Variants in PTPRT observed in about 807,000 individuals in gnomAD.
The protein encoded by PTPRT is protein tyrosine phosphatase receptor type T.
Under a neutral mutation model 176.8 loss-of-function variants are expected in PTPRT, and 56 were observed. The observed-to-expected ratio is 0.32, with a 90% CI of 0.26 to 0.40. PTPRT has a LOEUF of 0.40. Among genes scored for constraint, PTPRT ranks in the 10% least tolerant of loss-of-function variants. The probability of loss-of-function intolerance (pLI) is 1.00; values close to 1 mark genes in which losing one functional copy is unlikely to be tolerated. For synonymous variants in PTPRT, 783 were observed against 739.0 expected (o/e 1.06, Z -0.96); for missense variants, 1,540 against 1,908.2 (o/e 0.81, Z 3.60).
In PTPRT at chr20:43,127,142, G is replaced by A. The variant is rs568640537; in HGVS notation, c.88+62504C>T. On this transcript the variant is annotated intron_variant, in intron 1 of 30. Transcript: ENST00000373187. The stretch of plus-strand genomic sequence containing the variant: ...AAAAAAATGCAACTCTAAACATGGC[G>A]GCCGGGCGCGGTGGCTCACACCTGT... 9.8e-4 allele frequency among the ~76,000 whole-genome samples: 149 copies of A among 152,196 alleles called. 1 individual carries two copies. The highest frequency in any genetic ancestry group is 3.4e-3 in the African/African-American group (143 of 41,526).
Position 42,385,514 on chromosome 20 carries a change from A to C in PTPRT, c.1561-33229T>G, listed in dbSNP as rs117732354. 5.0e-3 allele frequency among the ~76,000 whole-genome samples: 760 copies of C among 152,334 alleles called. 5 individuals are homozygous for C. The highest frequency in any genetic ancestry group is 8.4e-3 in the Non-Finnish European group (569 of 68,036). On this transcript the variant is annotated intron_variant, in intron 9 of 30. Transcript: ENST00000373187. ...AGTTTCAGTTATATGAGGTAAATAC[A>C]TTCTGGAGATCTGATATACAAGGCT...
intron 15 of PTPRT, among the ~76,000 whole-genome samples, chr20:42,235,453 G>T (rs530486815): frequency 2.0e-5 from 3 of 152,040 alleles, no homozygotes; most frequent in South Asian, 4.2e-4. Context: ...TAGAGATGGG[G>T]TTTCACCATG....
intron 9 of PTPRT, among the ~76,000 whole-genome samples, chr20:42,364,494 C>T (rs1435795714): frequency 6.6e-6 from 1 of 152,084 alleles, no homozygotes; most frequent in Non-Finnish European, 1.5e-5. Context: ...TTTGTTATAT[C>T]TCCTTCTTAC....
intron 1 of PTPRT, among the ~76,000 whole-genome samples, chr20:43,158,861 A>G (rs1034329714): frequency 1.3e-5 from 2 of 152,240 alleles, no homozygotes; most frequent in African/African-American, 2.4e-5. Flanking sequence ...CTCTGTGCTC[A>G]GCTCTCTCAC....
At chr20:42,118,771 T>C (rs1268441333) in intron 20 of PTPRT, among the ~76,000 whole-genome samples, 1 of 151,922 alleles carries the variant, frequency 6.6e-6, no homozygotes. Context: ...CTCCCTTCTG[T>C]CCTCCTCCTG....
chr20:42,498,889 T>C (rs964629086), intron 7 of PTPRT, among the ~76,000 whole-genome samples: 1 of 152,136 alleles, frequency 6.6e-6, no homozygotes, highest in African/African-American at 2.4e-5. Flanking sequence ...AACCAACATA[T>C]ACCTTACATA....
chr20:42,839,101 G>A (rs1295125620), intron 2 of PTPRT, among the ~76,000 whole-genome samples: 1 of 152,130 alleles, frequency 6.6e-6, no homozygotes, highest in Non-Finnish European at 1.5e-5. Flanking sequence ...GGAGGGATCT[G>A]TTGGGCAGAA....
rs1027444640 is a variant in PTPRT, at chr20:42,800,305, G to T, written c.215-8839C>A. Among the ~76,000 whole-genome samples, 11 of 152,160 alleles carry T rather than the reference G, an allele frequency of 7.2e-5. No individual in the cohort carries two copies. In the East Asian group the frequency reaches 2.1e-3, roughly 29 times the overall value. On this transcript the variant is annotated intron_variant, in intron 2 of 30. Coordinates refer to ENST00000373187, the MANE Select transcript of PTPRT (RefSeq NM_007050.6). ...ACATGTGGGCACGTTGTGTTTGATG[G>T]CAAGGAGTGATCATCAACTCCCTGG... is the stretch of plus-strand genomic sequence containing the variant.
At chr20:42,801,838 T>C (rs961950637) in intron 2 of PTPRT, among the ~76,000 whole-genome samples, 3 of 152,152 alleles carry the variant, frequency 2.0e-5, no homozygotes, top group African/African-American at 7.2e-5. Flanking sequence ...AACAAGACAG[T>C]TTCTGCCTTG....
chr20:42,155,116 A>C (rs1439042916), intron 17 of PTPRT, among the ~76,000 whole-genome samples: 2 of 152,050 alleles, frequency 1.3e-5, no homozygotes, highest in Admixed American at 6.5e-5. Context: ...TATATATCCC[A>C]CCCCCAGTGA....
At chr20:43,019,880 G>A (rs1411173352) in intron 1 of PTPRT, among the ~76,000 whole-genome samples, 1 of 151,858 alleles carries the variant, frequency 6.6e-6, no homozygotes, top group African/African-American at 2.4e-5. Flanking sequence ...TTGGACTCTA[G>A]GATCACTCCA....
intron 23 of PTPRT, among the ~76,000 whole-genome samples, chr20:42,107,264 C>CAAAG (rs1986549240): frequency 1.3e-5 from 2 of 151,972 alleles, no homozygotes; most frequent in Non-Finnish European, 2.9e-5. Context: ...CGGATGGAAG[C>CAAAG]AAAGAAGGAG....
intron 1 of PTPRT, among the ~76,000 whole-genome samples, chr20:42,932,805 C>T (rs1205526688): frequency 3.3e-5 from 5 of 152,330 alleles, no homozygotes; most frequent in South Asian, 2.1e-4. Flanking sequence ...TCCACCTTCA[C>T]GACCTCCTCA....
rs543730918 is a variant in PTPRT, at chr20:42,124,397, C to T, written c.2847+4357G>A. Among the ~76,000 whole-genome samples, 90 of 152,312 alleles carry T rather than the reference C, an allele frequency of 5.9e-4. 1 individual carries two copies. The South Asian group carries it at 0.016, about 27-fold the overall frequency. Reference sequence around the variant, plus strand: ...CTGTTACTTACTGGGGACCCAGATACGATATTTATTTCCAGGCTGGTAATT... The same window carrying T: ...CTGTTACTTACTGGGGACCCAGATATGATATTTATTTCCAGGCTGGTAATT... On this transcript the variant is annotated intron_variant, in intron 19 of 30. Coordinates refer to ENST00000373187, the MANE Select transcript of PTPRT (RefSeq NM_007050.6).
intron 1 of PTPRT, among the ~76,000 whole-genome samples, chr20:43,040,623 T>C (rs1181570125): frequency 1.3e-5 from 2 of 152,176 alleles, no homozygotes; most frequent in Non-Finnish European, 2.9e-5. Flanking sequence ...TCCTGAAAGA[T>C]GGGAATACCT....
chr20:42,854,582 G>C (rs978273742), intron 2 of PTPRT, among the ~76,000 whole-genome samples: 5 of 152,220 alleles, frequency 3.3e-5, no homozygotes, highest in African/African-American at 1.2e-4. Flanking sequence ...TAACAGACCA[G>C]TCAGATGATC....
chr20:43,142,202 C>T (rs548356348), intron 1 of PTPRT, among the ~76,000 whole-genome samples: 36 of 152,346 alleles, frequency 2.4e-4, no homozygotes, highest in South Asian at 4.1e-4. Context: ...AACAGTGAAT[C>T]ATGCCCAACG....
intron 13 of PTPRT, among the ~76,000 whole-genome samples, chr20:42,276,134 G>C (rs2057025251): frequency 6.6e-6 from 1 of 152,018 alleles, no homozygotes; most frequent in South Asian, 2.1e-4. Flanking sequence ...TTGCTGGTCT[G>C]GTGATGAAGA....
intron 13 of PTPRT, among the ~76,000 whole-genome samples, chr20:42,261,004 G>A (rs1049222319): frequency 6.6e-6 from 1 of 152,136 alleles, no homozygotes; most frequent in Non-Finnish European, 1.5e-5. Flanking sequence ...CTGCCCACTG[G>A]CCAGTGCTCA....
Sources: allele counts gnomAD v4.1 joint callset (sites outside exome capture counted in the v4.1 genomes callset), GRCh38; gene constraint gnomAD v4.1.1; transcripts MANE v1.5; gene names NCBI Gene and HGNC (gene_info 2026-07-23, HGNC 2026-07-21).